Variants in DUSP29 observed in about 807,000 individuals in gnomAD.
DUSP29 encodes the protein atypical dual-specific protein phosphatase.
DUSP29 carries 12 observed loss-of-function variants against 13.5 expected under a neutral mutation model. The observed-to-expected ratio is 0.89, with a 90% CI of 0.57 to 1.44. DUSP29 has a LOEUF of 1.44. Ranked by LOEUF, DUSP29 falls within the 40% of genes most tolerant of loss-of-function variation. The pLI is 0.00. For missense variants in DUSP29, 308 were observed against 301.1 expected, an observed-to-expected ratio of 1.02 and a Z score of -0.17; for synonymous variants, 134 against 128.7, an observed-to-expected ratio of 1.04 and a Z score of -0.28.
intron 2 of DUSP29, among the ~76,000 whole-genome samples, chr10:75,053,851 G>A (rs1296212339): frequency 6.6e-6 from 1 of 152,122 alleles, no homozygotes; most frequent in Non-Finnish European, 1.5e-5. Context: ...CTGACTGAAT[G>A]AATGAATGAA....
At position 75,042,855 on chromosome 10, in the gene DUSP29, G is replaced by T. The variant is rs59992920; in HGVS notation, c.421+942C>A. Among the ~76,000 whole-genome samples the T allele has an allele frequency of 9.9e-3, 1,507 of 152,348 alleles. 20 individuals are homozygous for T. Among genetic ancestry groups the T allele is most frequent in the African/African-American group, 0.033 (1,387 of 41,572 alleles). On this transcript the variant is annotated intron_variant, in intron 3 of 3. Coordinates refer to ENST00000338487, the MANE Select transcript of DUSP29 (RefSeq NM_001003892.3). The stretch of plus-strand genomic sequence containing the variant: ...AATTATGTGATGGCTCCACAAAGGG[G>T]TGTGTGACACATTGGGCTGAAGTCA...
intron 2 of DUSP29, among the ~76,000 whole-genome samples, chr10:75,057,862 C>G (rs1846993501): frequency 6.6e-6 from 1 of 152,170 alleles, no homozygotes; most frequent in Admixed American, 6.5e-5. Context: ...TCCCTTGCAG[C>G]TAGGGGCAGG....
intron 3 of DUSP29, among the ~76,000 whole-genome samples, chr10:75,043,387 C>A (rs1222824640): frequency 6.6e-6 from 1 of 152,216 alleles, no homozygotes; most frequent in Non-Finnish European, 1.5e-5. Context: ...GCTCCCAGAC[C>A]GCCTCCGCCT....
At position 75,048,462 on chromosome 10, in the gene DUSP29, G is replaced by A. The variant is rs542343343; in HGVS notation, c.201-4445C>T. On this transcript the variant is annotated intron_variant, in intron 2 of 3. Coordinates refer to ENST00000338487, the MANE Select transcript of DUSP29 (RefSeq NM_001003892.3). Reference sequence around the variant, plus strand: ...GGCTGGAGTGCAGTGGCGCAATCTCGGCTCACTGCTCACTGCAACCTCCAC... The same window carrying A: ...GGCTGGAGTGCAGTGGCGCAATCTCAGCTCACTGCTCACTGCAACCTCCAC... Among the ~76,000 whole-genome samples the A allele has an allele frequency of 1.6e-3, 238 of 150,086 alleles. 2 individuals carry two copies. Among genetic ancestry groups the A allele is most frequent in the African/African-American group, 5.4e-3 (220 of 40,704 alleles).
At chr10:75,056,902 G>A (rs974947375) in intron 2 of DUSP29, among the ~76,000 whole-genome samples, 1 of 152,214 alleles carries the variant, frequency 6.6e-6, no homozygotes, top group Non-Finnish European at 1.5e-5. Context: ...AAAGAAAGAC[G>A]AAAGGCAAGG....
chr10:75,045,020 A>C (rs1846673763), intron 2 of DUSP29, among the ~76,000 whole-genome samples: 3 of 152,208 alleles, frequency 2.0e-5, no homozygotes, highest in Admixed American at 2.0e-4. Flanking sequence ...AATTATTTGC[A>C]ATCTATTATG....
intron 1 of DUSP29, among the ~76,000 whole-genome samples, chr10:75,058,897 T>A (rs1358179323): frequency 6.6e-6 from 1 of 152,224 alleles, no homozygotes; most frequent in Non-Finnish European, 1.5e-5. Context: ...TTTATCTGAC[T>A]GAAACCTACT....
intron 1 of DUSP29, among the ~76,000 whole-genome samples, chr10:75,067,766 G>T (rs1847236198): frequency 6.6e-6 from 1 of 152,142 alleles, no homozygotes; most frequent in Non-Finnish European, 1.5e-5. Context: ...GTCAAGACTA[G>T]CCTGGGCAAC....
At chr10:75,052,595 A>C (rs953710421) in intron 2 of DUSP29, among the ~76,000 whole-genome samples, 49 of 150,844 alleles carry the variant, frequency 3.2e-4, no homozygotes, top group South Asian at 3.1e-3. Flanking sequence ...GCGTGAGCCA[A>C]CGCGCCCGGC....
intron 1 of DUSP29, among the ~76,000 whole-genome samples, chr10:75,069,980 G>A (rs531742101): frequency 2.6e-5 from 4 of 151,864 alleles, no homozygotes; most frequent in African/African-American, 7.2e-5. Flanking sequence ...AACCCAGGAG[G>A]TGGAGGTTGC....
chr10:75,041,741 C>T (rs1846588904), intron 3 of DUSP29, among the ~76,000 whole-genome samples: 1 of 152,210 alleles, frequency 6.6e-6, no homozygotes, highest in Admixed American at 6.5e-5. Context: ...TTCATTCTAT[C>T]CCACTCATAG....
chr10:75,071,477 G>A (rs1265041502), intron 1 of DUSP29, among the ~76,000 whole-genome samples: 1 of 152,170 alleles, frequency 6.6e-6, no homozygotes, highest in East Asian at 1.9e-4. Flanking sequence ...CTACTGTGGG[G>A]TCAACAACAG....
chr10:75,043,804 G>A lies in DUSP29; in HGVS notation c.414C>T (p.Asp138=), dbSNP rs900511214. Residue 138 remains aspartate (D), a synonymous_variant, in exon 3 of 4, where the codon GAC becomes GAT. Transcript: ENST00000338487. ...AAAFIDRALS[D]DHSKILVHCV... is the part of the protein sequence containing the mutation. ...GGGCCGCGGGTCTCTTACTGTGGTC[G>A]TCGCTTAGCGCTCTGTCGATGAAGG... The A allele has an allele frequency of 2.0e-5, 33 of 1,612,694 alleles. No homozygotes were observed. Among genetic ancestry groups the A allele is most frequent in the Non-Finnish European group, 2.8e-5 (33 of 1,179,848 alleles).
intron 1 of DUSP29, among the ~76,000 whole-genome samples, chr10:75,064,922 T>C (rs574424173): frequency 6.6e-6 from 1 of 152,278 alleles, no homozygotes; most frequent in African/African-American, 2.4e-5. Context: ...TATTTTATAA[T>C]AAATAACCAT....
chr10:75,055,092 T>C (rs1171499508), intron 2 of DUSP29, among the ~76,000 whole-genome samples: 1 of 152,196 alleles, frequency 6.6e-6, no homozygotes, highest in African/African-American at 2.4e-5. Context: ...TCCTCCCACC[T>C]TGGCCTCCCA....
chr10:75,058,231 G>T, intron 2 of DUSP29, 84 bp downstream of exon 2: 2 of 1,484,944 alleles, frequency 1.3e-6, no homozygotes, highest in Non-Finnish European at 1.8e-6. Flanking sequence ...AAATTCCAAA[G>T]CCCATGGCTA....
chr10:75,064,975 G>T (rs1847165172), intron 1 of DUSP29, among the ~76,000 whole-genome samples: 2 of 151,982 alleles, frequency 1.3e-5, no homozygotes, highest in Admixed American at 1.3e-4. Context: ...AACAGTCTTG[G>T]CAGGAAGCTG....
intron 1 of DUSP29, among the ~76,000 whole-genome samples, chr10:75,066,028 A>G (rs1021744982): frequency 8.5e-5 from 13 of 152,090 alleles, no homozygotes; most frequent in Admixed American, 3.3e-4. Context: ...ACTTTGGCCT[A>G]TTTGAGGGTC....
In DUSP29 at chr10:75,073,591, G is replaced by A. The variant is rs1024675763; in HGVS notation, c.-57C>T. Among the ~76,000 whole-genome samples the A allele has an allele frequency of 1.1e-4, 17 of 152,310 alleles. No homozygotes were observed. Among genetic ancestry groups the A allele is most frequent in the East Asian group, 1.9e-4 (1 of 5,162 alleles). On this transcript the variant is annotated 5_prime_UTR_variant, in exon 1 of 4. Coordinates refer to ENST00000338487, the MANE Select transcript of DUSP29 (RefSeq NM_001003892.3). ...TACCTGGGTGTGCCGGGGCCTGGCC[G>A]CGTCGGGAGGTTCTGGTCCGTGGGG...
Sources: allele counts gnomAD v4.1 joint callset (sites outside exome capture counted in the v4.1 genomes callset), GRCh38; gene constraint gnomAD v4.1.1; transcripts MANE v1.5; gene names NCBI Gene and HGNC (gene_info 2026-07-23, HGNC 2026-07-21).